FOXN3: variants seen among roughly 807,000 people sequenced by gnomAD.
The protein encoded by FOXN3 is forkhead box protein N3.
Under a neutral mutation model 38.4 loss-of-function variants are expected in FOXN3, and 7 were observed. That is an observed-to-expected ratio of 0.18 (90% CI 0.10 to 0.34). FOXN3 has a LOEUF of 0.34. FOXN3 is among the 10% of genes least tolerant of loss of function. The pLI is 1.00. For missense variants in FOXN3, 456 were observed against 613.4 expected (o/e 0.74, Z 2.71); for synonymous variants, 230 against 242.2 (o/e 0.95, Z 0.47).
intron 2 of FOXN3, among the ~76,000 whole-genome samples, chr14:89,390,860 T>G (rs529176700): frequency 6.6e-6 from 1 of 152,272 alleles, no homozygotes; most frequent in African/African-American, 2.4e-5. Flanking sequence ...GACTTACACT[T>G]AGTCCAGTTT....
intron 3 of FOXN3, among the ~76,000 whole-genome samples, chr14:89,304,453 G>A (rs1197316863): frequency 6.6e-6 from 1 of 152,188 alleles, no homozygotes; most frequent in Non-Finnish European, 1.5e-5. Flanking sequence ...GGTGGGGGCA[G>A]GAGAGGCGGC....
intron 1 of FOXN3, among the ~76,000 whole-genome samples, chr14:89,463,285 C>T (rs1363294747): frequency 1.4e-5 from 2 of 147,566 alleles, no homozygotes; most frequent in Non-Finnish European, 3.0e-5. Context: ...AAAAAAAAAG[C>T]CACCAGATCC....
chr14:89,351,032 T>C (rs1000269582), intron 2 of FOXN3: 2 of 340,872 alleles, frequency 5.9e-6, no homozygotes, highest in African/African-American at 4.2e-5. Context: ...TACCAGGTTA[T>C]GGTGATACAA....
At chr14:89,248,811 G>T (rs1885370183) in intron 4 of FOXN3, among the ~76,000 whole-genome samples, 1 of 152,204 alleles carries the variant, frequency 6.6e-6, no homozygotes, top group Non-Finnish European at 1.5e-5. Context: ...AGAAACAGGT[G>T]AATTTTTTTA....
intron 1 of FOXN3, among the ~76,000 whole-genome samples, chr14:89,532,423 A>G (rs1391636222): frequency 6.6e-6 from 1 of 152,194 alleles, no homozygotes; most frequent in African/African-American, 2.4e-5. Context: ...CACCAGCATA[A>G]TCACAAGCTC....
At chr14:89,209,844 T>C (rs1888475853) in intron 4 of FOXN3, among the ~76,000 whole-genome samples, 1 of 152,194 alleles carries the variant, frequency 6.6e-6, no homozygotes. Flanking sequence ...GCCTAGTGCA[T>C]TTGCATCTCA....
chr14:89,564,583 G>A lies in FOXN3; in HGVS notation c.-15+54445C>T, dbSNP rs1004318503. On this transcript the variant is annotated intron_variant, in intron 1 of 6. Transcript: ENST00000345097. ...CAGTTGAAGGTGGTAATGATTCACC[G>A]CAGTTTAAAGTCTCCAAAAACCCTC... is the stretch of plus-strand genomic sequence containing the variant. 3.3e-5 allele frequency among the ~76,000 whole-genome samples: 5 copies of A among 152,066 alleles called. 1 individual carries two copies. Among genetic ancestry groups the A allele is most frequent in the South Asian group, 4.1e-4 (2 of 4,822 alleles).
At chr14:89,462,579 C>T (rs1277706272) in intron 1 of FOXN3, among the ~76,000 whole-genome samples, 1 of 152,142 alleles carries the variant, frequency 6.6e-6, no homozygotes, top group Admixed American at 6.5e-5. Context: ...GGCCTTCTTC[C>T]TGATGGGGAC....
intron 4 of FOXN3, among the ~76,000 whole-genome samples, chr14:89,236,378 A>G (rs141561797): frequency 0.023 from 3,432 of 152,220 alleles, 131 homozygotes; most frequent in African/African-American, 0.079. Flanking sequence ...AGCCGGGTGT[A>G]GAGGCAGGCA....
chr14:89,267,311 G>A (rs940609050), intron 4 of FOXN3, among the ~76,000 whole-genome samples: 2 of 152,202 alleles, frequency 1.3e-5, no homozygotes, highest in Non-Finnish European at 1.5e-5. Flanking sequence ...ACTGCATCAC[G>A]TGATTACAAT....
chr14:89,467,435 C>T (rs1892992730), intron 1 of FOXN3, among the ~76,000 whole-genome samples: 1 of 152,120 alleles, frequency 6.6e-6, no homozygotes, highest in South Asian at 2.1e-4. Context: ...AATACAATTA[C>T]TGATGACATA....
chr14:89,302,705 C>CT (rs1196605817), intron 3 of FOXN3, among the ~76,000 whole-genome samples: 1 of 152,192 alleles, frequency 6.6e-6, no homozygotes, highest in Admixed American at 6.5e-5. Flanking sequence ...AAGGATGTGA[C>CT]TTATCCTCCA....
At chr14:89,280,792 C>T (rs892900878) in intron 4 of FOXN3, among the ~76,000 whole-genome samples, 158 bp downstream of exon 4, 2 of 152,010 alleles carry the variant, frequency 1.3e-5, no homozygotes, top group Non-Finnish European at 2.9e-5. Flanking sequence ...ATAAAGAGAA[C>T]TGGACAAATA....
chr14:89,585,831 T>C (rs1895830798), intron 1 of FOXN3, among the ~76,000 whole-genome samples: 1 of 150,790 alleles, frequency 6.6e-6, no homozygotes, highest in Admixed American at 6.6e-5. Context: ...GTAAATTACA[T>C]AGTATGCTGA....
intron 3 of FOXN3, among the ~76,000 whole-genome samples, chr14:89,296,370 T>C (rs1330950716): frequency 6.6e-6 from 1 of 152,242 alleles, no homozygotes; most frequent in Non-Finnish European, 1.5e-5. Flanking sequence ...CACCCACATT[T>C]ACTTTTACTG....
At chr14:89,207,436 T>C (rs1888414501) in intron 4 of FOXN3, among the ~76,000 whole-genome samples, 2 of 152,212 alleles carry the variant, frequency 1.3e-5, no homozygotes, top group Non-Finnish European at 2.9e-5. Context: ...AGGTGTGCTA[T>C]TGATATTACT....
At chr14:89,579,132 G>A (rs1292812789) in intron 1 of FOXN3, among the ~76,000 whole-genome samples, 2 of 137,324 alleles carry the variant, frequency 1.5e-5, no homozygotes, top group African/African-American at 5.5e-5. Flanking sequence ...TTACAGGCAT[G>A]AGCCACCATG....
intron 1 of FOXN3, among the ~76,000 whole-genome samples, chr14:89,415,883 C>CACACACACACACACACACACACACACACA (rs60129607): frequency 1.4e-4 from 21 of 148,156 alleles, no homozygotes; most frequent in Non-Finnish European, 2.4e-4. Flanking sequence ...CACACACACA[C>CACACACACACACACACACACACACACACA]CCTCTTTTGT....
At chr14:89,165,006 CCA>C (rs1235595506) in intron 5 of FOXN3, among the ~76,000 whole-genome samples, 1 of 152,114 alleles carries the variant, frequency 6.6e-6, no homozygotes. Flanking sequence ...ACTGTCGTGT[CCA>C]CCAGCAAAAT....
Sources: allele counts gnomAD v4.1 joint callset (sites outside exome capture counted in the v4.1 genomes callset), GRCh38; gene constraint gnomAD v4.1.1; transcripts MANE v1.5; gene names NCBI Gene and HGNC (gene_info 2026-07-23, HGNC 2026-07-21).